CNN3: variants seen among roughly 807,000 people sequenced by gnomAD.
CNN3 encodes calponin 3.
Under a neutral mutation model 39.0 loss-of-function variants are expected in CNN3, and 11 were observed. The ratio of observed to expected loss-of-function variants is 0.28; its 90% CI spans 0.18 to 0.47. CNN3 has a LOEUF of 0.47. Ranked by LOEUF, CNN3 falls within the 20% of genes least tolerant of loss-of-function variation. The pLI is 0.99. For missense variants in CNN3, 266 were observed against 403.4 expected (o/e 0.66, Z 2.92); for synonymous variants, 101 against 138.3 (o/e 0.73, Z 1.89).
chr1:94,915,331 T>C (rs1671255083), intron 1 of CNN3, among the ~76,000 whole-genome samples: 2 of 152,136 alleles, frequency 1.3e-5, no homozygotes, highest in African/African-American at 4.8e-5. Flanking sequence ...TCCAAGCTTC[T>C]TAAACACCAA....
At chr1:94,925,784 A>T (rs1671560507) in intron 1 of CNN3, 1 of 985,366 alleles carries the variant, frequency 1.0e-6, no homozygotes, top group South Asian at 4.7e-5. Flanking sequence ...ATTAAACCAC[A>T]GGCAGCCCTC....
intron 1 of CNN3, among the ~76,000 whole-genome samples, chr1:94,923,502 CTT>C (rs34777919): frequency 2.1e-5 from 3 of 144,000 alleles, no homozygotes; most frequent in Admixed American, 6.9e-5. Flanking sequence ...AATTCTTAGG[CTT>C]TTTTTTTTTA....
chr1:94,916,021 C>T (rs1487917903), intron 1 of CNN3, among the ~76,000 whole-genome samples: 1 of 152,132 alleles, frequency 6.6e-6, no homozygotes, highest in Non-Finnish European at 1.5e-5. Flanking sequence ...TTACTTGGTC[C>T]ATCAATGGGC....
chr1:94,925,888 C>T (rs1027395196), intron 1 of CNN3: 1 of 903,494 alleles, frequency 1.1e-6, no homozygotes, highest in African/African-American at 1.8e-5. Context: ...CCCCAGAAAC[C>T]CCTGATGTCA....
intron 1 of CNN3, among the ~76,000 whole-genome samples, chr1:94,917,100 G>C (rs1047602485): frequency 2.0e-5 from 3 of 152,154 alleles, no homozygotes; most frequent in African/African-American, 7.2e-5. Context: ...GCAATGGCGC[G>C]ATCTTGGCTC....
At chr1:94,925,307 G>A (rs900574178) in intron 1 of CNN3, among the ~76,000 whole-genome samples, 2 of 152,174 alleles carry the variant, frequency 1.3e-5, no homozygotes, top group Non-Finnish European at 2.9e-5. Flanking sequence ...TTTTGGACAT[G>A]CCCATTCCTC....
chr1:94,923,862 G>A (rs1012904140), intron 1 of CNN3, among the ~76,000 whole-genome samples: 2 of 152,190 alleles, frequency 1.3e-5, no homozygotes, highest in African/African-American at 4.8e-5. Flanking sequence ...ACAACATGGT[G>A]TCTGGGGGTG....
intron 1 of CNN3, among the ~76,000 whole-genome samples, chr1:94,911,907 T>C (rs1671176544): frequency 6.6e-6 from 1 of 151,622 alleles, no homozygotes; most frequent in Non-Finnish European, 1.5e-5. Context: ...CTGTTTCTAC[T>C]ACAAAAAAAT....
chr1:94,906,882 G>C (rs1671013391), intron 1 of CNN3, among the ~76,000 whole-genome samples: 1 of 152,216 alleles, frequency 6.6e-6, no homozygotes, highest in South Asian at 2.1e-4. Context: ...TGTTCAAAAT[G>C]TGTCCAACAG....
At chr1:94,900,662 G>C (rs776556836) in intron 5 of CNN3, among the ~76,000 whole-genome samples, 3 of 152,112 alleles carry the variant, frequency 2.0e-5, no homozygotes, top group African/African-American at 4.8e-5. Context: ...CAGTAGAAAG[G>C]GGCACTGTAT....
chr1:94,906,225 C>T (rs1670997199), intron 1 of CNN3, among the ~76,000 whole-genome samples: 2 of 152,270 alleles, frequency 1.3e-5, no homozygotes, highest in South Asian at 2.1e-4. Flanking sequence ...TCAGGTGATC[C>T]GCCTGCCTCG....
intron 1 of CNN3, among the ~76,000 whole-genome samples, chr1:94,912,916 A>G (rs903244743): frequency 6.6e-6 from 1 of 152,216 alleles, no homozygotes; most frequent in African/African-American, 2.4e-5. Context: ...GGGTACAGTC[A>G]GAAGGAACAC....
rs928096307 is a variant in CNN3, at chr1:94,913,340, T to C, written c.58-9816A>G. Among the ~76,000 whole-genome samples the C allele has an allele frequency of 1.6e-4, 25 of 152,234 alleles. 1 individual carries two copies. Among genetic ancestry groups the C allele is most frequent in the African/African-American group, 5.5e-4 (23 of 41,524 alleles). On this transcript the variant is annotated intron_variant, in intron 1 of 6. Coordinates refer to ENST00000370206, the MANE Select transcript of CNN3 (RefSeq NM_001839.5). ...ATGTGAGCCATAAAACCTCCCAGAG[T>C]GATCATCACCATACTTTATAGACTG... is the stretch of plus-strand genomic sequence containing the variant.
chr1:94,917,728 G>T (rs891143179), intron 1 of CNN3, among the ~76,000 whole-genome samples: 1 of 152,178 alleles, frequency 6.6e-6, no homozygotes, highest in African/African-American at 2.4e-5. Context: ...TTTTCAAAAT[G>T]GTTGAACAAT....
At chr1:94,905,536 T>C (rs1424184909) in intron 1 of CNN3, among the ~76,000 whole-genome samples, 1 of 152,192 alleles carries the variant, frequency 6.6e-6, no homozygotes, top group Non-Finnish European at 1.5e-5. Context: ...ATTAGGGAGA[T>C]GGCAGTTCTT....
At chr1:94,911,859 C>A (rs1017670077) in intron 1 of CNN3, among the ~76,000 whole-genome samples, 1 of 152,154 alleles carries the variant, frequency 6.6e-6, no homozygotes, top group African/African-American at 2.4e-5. Context: ...CACCTGAGGT[C>A]AGGAGTTTGA....
intron 5 of CNN3, 77 bp downstream of exon 5, chr1:94,901,592 G>A (rs939371880): frequency 7.0e-6 from 7 of 993,502 alleles, no homozygotes; most frequent in Non-Finnish European, 1.1e-5. Flanking sequence ...CTATTCTTAG[G>A]AGAGGCTTAA....
chr1:94,900,532 C>G (rs1670836099), intron 5 of CNN3, among the ~76,000 whole-genome samples: 1 of 152,142 alleles, frequency 6.6e-6, no homozygotes, highest in South Asian at 2.1e-4. Context: ...TTACATTACA[C>G]TTTGCTTTTA....
intron 1 of CNN3, among the ~76,000 whole-genome samples, chr1:94,924,965 AACTT>A (rs1671540734): frequency 6.6e-6 from 1 of 152,250 alleles, no homozygotes; most frequent in Non-Finnish European, 1.5e-5. Context: ...TTTCATAACT[AACTT>A]TCCAAAGGTT....
Sources: gnomAD v4.1 joint callset for allele counts (sites outside exome capture counted in the v4.1 genomes callset) on GRCh38, gnomAD v4.1.1 for gene constraint, MANE v1.5 for transcripts, NCBI Gene and HGNC (gene_info 2026-07-23, HGNC 2026-07-21) for gene names.